ACACA: variants seen among roughly 807,000 people sequenced by gnomAD.
ACACA encodes the protein acetyl-CoA carboxylase 1.
A neutral mutation model predicts 296.1 loss-of-function variants in ACACA; 103 were observed. The observed-to-expected ratio is 0.35, with a 90% confidence interval of 0.30 to 0.41. The LOEUF (loss-of-function observed/expected upper bound fraction) is 0.41, where lower values mean the gene tolerates loss of function less well. Ranked by LOEUF, ACACA falls within the 10% of genes least tolerant of loss-of-function variation. The pLI, the probability that ACACA is intolerant of heterozygous loss-of-function variation, is 1.00. For missense variants in ACACA, 1,554 were observed against 2,989.7 expected, an observed-to-expected ratio of 0.52 and a Z score of 11.20; for synonymous variants, 953 against 1,038.6, an observed-to-expected ratio of 0.92 and a Z score of 1.58.
intron 1 of ACACA, among the ~76,000 whole-genome samples, chr17:37,368,514 G>A (rs1056743668): frequency 1.1e-4 from 16 of 152,020 alleles, no homozygotes; most frequent in Non-Finnish European, 2.1e-4. Context: ...CCAGGTGGTG[G>A]TGGTTGCAGT....
intron 3 of ACACA, among the ~76,000 whole-genome samples, chr17:37,290,987 C>T (rs896581599): frequency 3.4e-5 from 5 of 147,532 alleles, no homozygotes; most frequent in African/African-American, 1.3e-4. Context: ...GAAGCTGAGG[C>T]AGGAGAATCA....
intron 1 of ACACA, chr17:37,391,858 G>C (rs2050899003): frequency 1.2e-6 from 1 of 836,252 alleles, no homozygotes; most frequent in Non-Finnish European, 2.0e-6. Context: ...CCTGGTTAAT[G>C]AAGGGAGAGT....
At chr17:37,316,909 C>CA (rs368470504) in intron 3 of ACACA, among the ~76,000 whole-genome samples, 1,590 of 151,872 alleles carry the variant, frequency 0.01, 31 homozygotes, top group African/African-American at 0.035. Flanking sequence ...CGTGTCTCTA[C>CA]AAAAAATACA....
chr17:37,382,660 G>A (rs1375740508), intron 1 of ACACA, among the ~76,000 whole-genome samples: 1 of 152,242 alleles, frequency 6.6e-6, no homozygotes, highest in East Asian at 1.9e-4. Context: ...AAGAGATCAG[G>A]ACCATCCTGG....
chr17:37,210,708 G>T (rs561866775), intron 29 of ACACA, among the ~76,000 whole-genome samples: 1 of 134,648 alleles, frequency 7.4e-6, no homozygotes, highest in East Asian at 2.2e-4. Context: ...GATGGAAAGG[G>T]TCAAAATGTA....
At chr17:37,390,223 T>C (rs1490972802) in intron 1 of ACACA, among the ~76,000 whole-genome samples, 1 of 63,834 alleles carries the variant, frequency 1.6e-5, no homozygotes, top group East Asian at 9.5e-4. Flanking sequence ...ATTTATTATA[T>C]ATAATTATAT....
At chr17:37,255,569 C>G (rs956817041) in intron 14 of ACACA, among the ~76,000 whole-genome samples, 1 of 152,122 alleles carries the variant, frequency 6.6e-6, no homozygotes, top group Non-Finnish European at 1.5e-5. Context: ...ATAGGACATT[C>G]CCTGAAGAAA....
intron 3 of ACACA, among the ~76,000 whole-genome samples, chr17:37,327,807 T>C (rs2047689243): frequency 6.6e-6 from 1 of 152,228 alleles, no homozygotes; most frequent in Admixed American, 6.5e-5. Flanking sequence ...AGCAGATTTC[T>C]TGGTTGTGTA....
intron 19 of ACACA, 81 bp downstream of exon 19, chr17:37,246,745 C>T: frequency 5.7e-6 from 9 of 1,567,594 alleles, no homozygotes; most frequent in Non-Finnish European, 7.8e-6. Flanking sequence ...CTTTCTGTAA[C>T]TTTTCAGTCC....
chr17:37,375,195 C>CA (rs111708187), intron 1 of ACACA, among the ~76,000 whole-genome samples: 7,846 of 144,110 alleles, frequency 0.054, 654 homozygotes, highest in African/African-American at 0.19. Context: ...CTCCATTTCA[C>CA]AAAAAAAAAG....
At chr17:37,246,232 C>T (rs1230804390) in intron 19 of ACACA, among the ~76,000 whole-genome samples, 2 of 152,120 alleles carry the variant, frequency 1.3e-5, no homozygotes, top group Non-Finnish European at 1.5e-5. Context: ...TGTGCCCCAC[C>T]TCCATGTATT....
chr17:37,301,008 C>A (rs541068738), intron 3 of ACACA, among the ~76,000 whole-genome samples: 1 of 152,294 alleles, frequency 6.6e-6, no homozygotes, highest in East Asian at 1.9e-4. Context: ...TTTACACACA[C>A]TTAAGTGTCT....
At chr17:37,151,806 C>T (rs144338063) in intron 43 of ACACA, among the ~76,000 whole-genome samples, 6 of 152,068 alleles carry the variant, frequency 3.9e-5, no homozygotes, top group African/African-American at 7.2e-5. Context: ...GGACTACAGG[C>T]GCCCGCCACC....
At chr17:37,349,240 T>C (rs2048776331) in intron 1 of ACACA, among the ~76,000 whole-genome samples, 1 of 150,728 alleles carries the variant, frequency 6.6e-6, no homozygotes, top group East Asian at 2.0e-4. Flanking sequence ...TTTATATTTT[T>C]AGTAGAGATG....
rs183781423 is a variant in ACACA, at chr17:37,313,743, A to T, written c.338+16430T>A. Among the ~76,000 whole-genome samples the T allele has an allele frequency of 1.5e-4, 23 of 152,340 alleles. No homozygotes were observed. The East Asian group carries it at 3.5e-3, about 23-fold the overall frequency. On this transcript the variant is annotated intron_variant, in intron 3 of 55. Transcript: ENST00000616317. ...GTTCCCTTGATGGCTGTATAAATTA[A>T]AACACAATGGGAATGTAAATCTCCA...
intron 51 of ACACA, among the ~76,000 whole-genome samples, chr17:37,112,238 C>T (rs942461675): frequency 6.6e-6 from 1 of 152,130 alleles, no homozygotes; most frequent in Admixed American, 6.5e-5. Context: ...TAATGATGTT[C>T]AGTCCCCAGA....
intron 4 of ACACA, among the ~76,000 whole-genome samples, chr17:37,283,821 G>A (rs2082653504): frequency 6.6e-6 from 1 of 152,174 alleles, no homozygotes; most frequent in Non-Finnish European, 1.5e-5. Flanking sequence ...ACAGAGCACT[G>A]AACATGTTTA....
rs183394385 is a variant in ACACA, at chr17:37,195,074, T to C, written c.4159-1659A>G. On this transcript the variant is annotated intron_variant, in intron 35 of 55. Coordinates refer to ENST00000616317, the MANE Select transcript of ACACA (RefSeq NM_198834.3). ...TGGTTTTATTCTAGTGAGGTACAGC[T>C]TTCAGAGCATTACCTAAAAAGTAAC... Among the ~76,000 whole-genome samples the C allele has an allele frequency of 8.5e-5, 13 of 152,216 alleles. No homozygotes were observed. In the East Asian group the frequency reaches 2.1e-3, roughly 25 times the overall value.
chr17:37,346,835 T>C (rs908880878), intron 1 of ACACA, among the ~76,000 whole-genome samples: 1 of 152,200 alleles, frequency 6.6e-6, no homozygotes, highest in Non-Finnish European at 1.5e-5. Flanking sequence ...GTATTTCCAT[T>C]GTATCTAGGA....
Sources: allele counts gnomAD v4.1 joint callset (sites outside exome capture counted in the v4.1 genomes callset), GRCh38; gene constraint gnomAD v4.1.1; transcripts MANE v1.5; gene names NCBI Gene and HGNC (gene_info 2026-07-23, HGNC 2026-07-21).